The following ZNF385D variants were observed in gnomAD, a reference collection of about 807,000 sequenced individuals.
ZNF385D encodes zinc finger protein 385D, also known as zinc finger protein 659.
ZNF385D carries 15 observed loss-of-function variants against 35.8 expected under a neutral mutation model. The observed-to-expected ratio is 0.42, with a 90% CI of 0.28 to 0.64. ZNF385D has a LOEUF of 0.64. Ranked by LOEUF, ZNF385D falls within the 30% of genes least tolerant of loss-of-function variation. ZNF385D has a pLI of 0.23. For missense variants in ZNF385D, 474 were observed against 494.6 expected (o/e 0.96, Z 0.39); for synonymous variants, 212 against 186.8 (o/e 1.13, Z -1.10).
At chr3:21,500,747 A>G (rs1706299230) in intron 4 of ZNF385D, among the ~76,000 whole-genome samples, 1 of 152,180 alleles carries the variant, frequency 6.6e-6, no homozygotes, top group Non-Finnish European at 1.5e-5. Flanking sequence ...ATCACTAAAG[A>G]GTTCTGATGC....
chr3:21,492,173 C>T lies in ZNF385D; in HGVS notation c.439+18688G>A, dbSNP rs192173096. ...CTGATACAATCAGAAACTCCTTGTG[C>T]AGAAGCTTACATTGAGTAGGATTTT... On this transcript the variant is annotated intron_variant, in intron 4 of 7. Coordinates refer to ENST00000281523, the MANE Select transcript of ZNF385D (RefSeq NM_024697.3). Among the ~76,000 whole-genome samples the T allele has an allele frequency of 1.5e-3, 229 of 152,124 alleles. 3 individuals are homozygous for T. Among genetic ancestry groups the T allele is most frequent in the African/African-American group, 5.4e-3 (224 of 41,526 alleles).
At chr3:22,278,308 G>A (rs1303228825) in intron 2 of ZNF385D, among the ~76,000 whole-genome samples, 1 of 152,064 alleles carries the variant, frequency 6.6e-6, no homozygotes, top group Non-Finnish European at 1.5e-5. Flanking sequence ...GTGACCATTT[G>A]AATACATTTC....
At chr3:21,423,570 A>G (rs1700842995) in intron 7 of ZNF385D, among the ~76,000 whole-genome samples, 2 of 152,236 alleles carry the variant, frequency 1.3e-5, no homozygotes, top group African/African-American at 2.4e-5. Flanking sequence ...GCTTATTTGC[A>G]GTCATGGGGA....
chr3:22,279,543 TATATAC>T lies in ZNF385D; in HGVS notation c.106+92901_106+92906del, dbSNP rs1284828505. Among the ~76,000 whole-genome samples the T allele has an allele frequency of 1.8e-3, 256 of 140,704 alleles. 3 individuals are homozygous for T. The highest frequency in any genetic ancestry group is 6.2e-3 in the African/African-American group (226 of 36,332). 92.3% of individuals were successfully genotyped at this position (140,704 alleles called of 152,430 possible). On this transcript the variant is annotated intron_variant, in intron 2 of 5. Transcript: ENST00000494108. The stretch of plus-strand genomic sequence containing the variant: ...ACATATACATATGTACATATATATG[TATATAC>T]ATATACATATGTACATATATATGTA...
At chr3:22,178,232 C>T (rs1307775303) in intron 2 of ZNF385D, among the ~76,000 whole-genome samples, 2 of 152,172 alleles carry the variant, frequency 1.3e-5, no homozygotes, top group Non-Finnish European at 2.9e-5. Context: ...TTCTCCACAT[C>T]CTCTCCAGTA....
chr3:21,718,817 T>C (rs1282694486), intron 1 of ZNF385D, among the ~76,000 whole-genome samples: 1 of 152,260 alleles, frequency 6.6e-6, no homozygotes, highest in East Asian at 1.9e-4. Context: ...CACAACTGAA[T>C]CAATTTTTAA....
At chr3:21,720,509 G>A (rs566417310) in intron 1 of ZNF385D, among the ~76,000 whole-genome samples, 1 of 152,174 alleles carries the variant, frequency 6.6e-6, no homozygotes, top group Non-Finnish European at 1.5e-5. Context: ...AGCTATGACT[G>A]TGCCACTGCA....
intron 3 of ZNF385D, among the ~76,000 whole-genome samples, chr3:22,128,491 C>A (rs1185021708): frequency 6.6e-6 from 1 of 152,020 alleles, no homozygotes; most frequent in Non-Finnish European, 1.5e-5. Context: ...AATAGCTCCT[C>A]TTTAAGATCA....
At chr3:22,003,114 T>A (rs1250439195) in intron 3 of ZNF385D, among the ~76,000 whole-genome samples, 1 of 152,106 alleles carries the variant, frequency 6.6e-6, no homozygotes, top group Non-Finnish European at 1.5e-5. Context: ...GCATTCAGAT[T>A]GGAAAAGAAG....
rs116399232 is a variant in ZNF385D, at chr3:22,059,185, C to A, written c.325+109632G>T. Among the ~76,000 whole-genome samples the A allele has an allele frequency of 2.3e-3, 347 of 152,212 alleles. 1 individual carries two copies. Among genetic ancestry groups the A allele is most frequent in the African/African-American group, 8.0e-3 (334 of 41,548 alleles). On this transcript the variant is annotated intron_variant, in intron 3 of 5. Transcript: ENST00000494108. ...TGTGTAATCATTGGAGGTGACTGCC[C>A]TCTGGTCAGGACTGAGCATTAATTT... is the stretch of plus-strand genomic sequence containing the variant.
chr3:22,231,875 T>C (rs550234562), intron 2 of ZNF385D, among the ~76,000 whole-genome samples: 82 of 152,188 alleles, frequency 5.4e-4, no homozygotes, highest in Non-Finnish European at 7.4e-4. Context: ...ATTCTTAGGA[T>C]AGAATTCTCA....
At chr3:22,210,548 ATATAG>A (rs1029992754) in intron 2 of ZNF385D, among the ~76,000 whole-genome samples, 3 of 151,940 alleles carry the variant, frequency 2.0e-5, no homozygotes, top group African/African-American at 7.2e-5. Context: ...TCAAGAAAAT[ATATAG>A]TTCTTGATCT....
At chr3:21,763,730 T>A (rs1208833424) in intron 3 of ZNF385D, among the ~76,000 whole-genome samples, 1 of 152,166 alleles carries the variant, frequency 6.6e-6, no homozygotes, top group South Asian at 2.1e-4. Context: ...TCTGTGATGC[T>A]GAGAAATATG....
chr3:22,078,058 T>C (rs1700553982), intron 3 of ZNF385D, among the ~76,000 whole-genome samples: 2 of 152,064 alleles, frequency 1.3e-5, no homozygotes, highest in Non-Finnish European at 2.9e-5. Flanking sequence ...ATCTTAAATA[T>C]GCCTGAAATT....
At chr3:21,573,401 G>A (rs561950983) in intron 2 of ZNF385D, among the ~76,000 whole-genome samples, 7 of 152,168 alleles carry the variant, frequency 4.6e-5, no homozygotes, top group Non-Finnish European at 8.8e-5. Context: ...AAGAAATCTT[G>A]ACATTAGGTA....
At position 21,424,044 on chromosome 3, in the gene ZNF385D, G is replaced by A. The variant is rs771965416; in HGVS notation, c.873C>T (p.His291=). ...GGGGCTTCCCAGCAGCTCTGTCTTTGTGCCTTCTACTGCTAATGTGCTATT... is the reference window on the plus strand; with the variant it reads ...GGGGCTTCCCAGCAGCTCTGTCTTTATGCCTTCTACTGCTAATGTGCTATT... The part of the protein sequence containing the change: ...QLKQHISSRR[H]KDRAAGKPPK... The change falls in exon 7 of 8, where the codon CAC becomes CAT. Residue 291 remains histidine (H), a synonymous_variant. Coordinates refer to ENST00000281523, the MANE Select transcript of ZNF385D (RefSeq NM_024697.3). 6.3e-7 allele frequency: 1 copy of A among 1,598,924 alleles called. No homozygotes were observed. Among genetic ancestry groups the A allele is most frequent in the Non-Finnish European group, 8.5e-7 (1 of 1,175,134 alleles).
At chr3:21,947,241 A>C (rs503119) in intron 3 of ZNF385D, among the ~76,000 whole-genome samples, 1 of 151,990 alleles carries the variant, frequency 6.6e-6, no homozygotes, top group Admixed American at 6.6e-5. Flanking sequence ...TACGATTTAA[A>C]TATATTTTGA....
chr3:21,812,030 A>G (rs1262699323), intron 3 of ZNF385D, among the ~76,000 whole-genome samples: 1 of 152,238 alleles, frequency 6.6e-6, no homozygotes, highest in Non-Finnish European at 1.5e-5. Context: ...AATATTTTCA[A>G]ATCTCTAAAT....
rs970437568 is a variant in ZNF385D at position 21,886,367 on chromosome 3, G to GA, written c.326-221340dup. Among the ~76,000 whole-genome samples the GA allele has an allele frequency of 4.5e-4, 29 of 64,106 alleles. No homozygotes were observed. In the South Asian group the frequency reaches 0.013, roughly 28 times the overall value. 42.1% of individuals were successfully genotyped at this position (64,106 alleles called of 152,430 possible). On this transcript the variant is annotated intron_variant, in intron 3 of 5. Coordinates refer to the ZNF385D transcript ENST00000494108. ...GAATCTGGCTGTGATTAATGAGGAAGAAAAAAAAAACTTTCTACCCCTTTT... is the reference window on the plus strand; with the variant it reads ...GAATCTGGCTGTGATTAATGAGGAAGAAAAAAAAAAACTTTCTACCCCTTTT...
Sources: allele counts gnomAD v4.1 joint callset (sites outside exome capture counted in the v4.1 genomes callset), GRCh38; gene constraint gnomAD v4.1.1; transcripts MANE v1.5; gene names NCBI Gene and HGNC (gene_info 2026-07-23, HGNC 2026-07-21).